The following NDST4 variants were observed in gnomAD, a reference collection of about 807,000 sequenced individuals.
NDST4 encodes N-heparan sulfate sulfotransferase 4.
A neutral mutation model predicts 100.8 loss-of-function variants in NDST4; 63 were observed. The ratio of observed to expected loss-of-function variants is 0.62; its 90% confidence interval spans 0.51 to 0.77. NDST4 has a LOEUF of 0.77. Ranked by LOEUF, NDST4 falls within the 30% of genes least tolerant of loss-of-function variation. The probability of loss-of-function intolerance (pLI) is 0.00; values close to 1 mark genes in which losing one functional copy is unlikely to be tolerated. For missense variants in NDST4, 943 were observed against 1,018.4 expected, an observed-to-expected ratio of 0.93 and a Z score of 1.01; for synonymous variants, 377 against 361.8, an observed-to-expected ratio of 1.04 and a Z score of -0.48.
At chr4:114,897,760 A>G (rs773369464) in intron 6 of NDST4, among the ~76,000 whole-genome samples, 4 of 152,184 alleles carry the variant, frequency 2.6e-5, no homozygotes, top group Non-Finnish European at 4.4e-5. Context: ...TGTTTGATAT[A>G]TGGGTAATTG....
At chr4:115,101,173 A>G (rs1729721800) in intron 1 of NDST4, among the ~76,000 whole-genome samples, 1 of 152,114 alleles carries the variant, frequency 6.6e-6, no homozygotes, top group Non-Finnish European at 1.5e-5. Flanking sequence ...ATGGAAGTTT[A>G]TTCTGTGACA....
At position 114,863,239 on chromosome 4, in the gene NDST4, C is replaced by T. The variant is rs6830220; in HGVS notation, c.1719+7529G>A. ...GATTATTTCTAAGCTTCAAAGCAAC[C>T]TGGCAAGACAGATATTATTATCCCT... On this transcript the variant is annotated intron_variant, in intron 7 of 13. Coordinates refer to ENST00000264363, the MANE Select transcript of NDST4 (RefSeq NM_022569.3). Among the ~76,000 whole-genome samples the T allele has an allele frequency of 2.1e-3, 323 of 152,270 alleles. 1 individual carries two copies. The highest frequency in any genetic ancestry group is 7.3e-3 in the African/African-American group (303 of 41,542).
intron 10 of NDST4, among the ~76,000 whole-genome samples, chr4:114,845,269 C>T (rs1355340293): frequency 6.6e-6 from 1 of 152,028 alleles, no homozygotes; most frequent in Non-Finnish European, 1.5e-5. Flanking sequence ...GAGGGAGAGG[C>T]TGCAGTGAGC....
At chr4:115,066,343 CA>C (rs1728947368) in intron 2 of NDST4, among the ~76,000 whole-genome samples, 1 of 152,098 alleles carries the variant, frequency 6.6e-6, no homozygotes, top group Non-Finnish European at 1.5e-5. Context: ...CTCTTTAAAA[CA>C]GATGACTTTT....
intron 6 of NDST4, among the ~76,000 whole-genome samples, chr4:114,904,061 A>T (rs990326081): frequency 1.3e-5 from 2 of 152,008 alleles, no homozygotes; most frequent in Non-Finnish European, 2.9e-5. Context: ...ATTGACTTAC[A>T]TGTAAAAAAG....
chr4:115,093,868 A>G (rs558544808), intron 1 of NDST4, among the ~76,000 whole-genome samples: 40 of 152,256 alleles, frequency 2.6e-4, no homozygotes, highest in Non-Finnish European at 4.6e-4. Context: ...CATCTTAAAA[A>G]GCTAGAAAAA....
chr4:114,970,327 T>A (rs1376556132), intron 4 of NDST4, 103 bp downstream of exon 4: 1 of 1,022,476 alleles, frequency 9.8e-7, no homozygotes, highest in Non-Finnish European at 1.4e-6. Context: ...GATATTATAT[T>A]TTATTCTATT....
chr4:114,928,013 T>C (rs529590999), intron 6 of NDST4, among the ~76,000 whole-genome samples: 8 of 152,286 alleles, frequency 5.3e-5, no homozygotes, highest in Non-Finnish European at 7.4e-5. Context: ...GGGACTTTGA[T>C]ACCTAGCAAA....
intron 12 of NDST4, 76 bp downstream of exon 12, chr4:114,833,530 G>A: frequency 1.1e-6 from 1 of 906,204 alleles, no homozygotes; most frequent in Non-Finnish European, 1.8e-6. Context: ...TATTAATGAT[G>A]TTATATACAC....
chr4:115,020,476 C>T (rs1347281480), intron 2 of NDST4, among the ~76,000 whole-genome samples: 1 of 152,054 alleles, frequency 6.6e-6, no homozygotes. Flanking sequence ...AGGAAAAACC[C>T]TTTTAGATAT....
At chr4:114,923,819 C>T (rs1327094755) in intron 6 of NDST4, among the ~76,000 whole-genome samples, 1 of 151,616 alleles carries the variant, frequency 6.6e-6, no homozygotes, top group Non-Finnish European at 1.5e-5. Context: ...TGCTAAAGAG[C>T]TATTTTACTA....
intron 6 of NDST4, among the ~76,000 whole-genome samples, chr4:114,929,323 G>T (rs1725463221): frequency 6.6e-6 from 1 of 152,108 alleles, no homozygotes; most frequent in Non-Finnish European, 1.5e-5. Flanking sequence ...TATCTACTCA[G>T]ATTGCTTGAG....
At chr4:115,036,946 AT>A (rs1728246167) in intron 2 of NDST4, among the ~76,000 whole-genome samples, 1 of 152,078 alleles carries the variant, frequency 6.6e-6, no homozygotes, top group African/African-American at 2.4e-5. Context: ...TAGTTAAAAT[AT>A]TTGGATAAAA....
intron 8 of NDST4, among the ~76,000 whole-genome samples, chr4:114,850,165 G>A (rs1020562590): frequency 6.6e-6 from 1 of 152,066 alleles, no homozygotes. Context: ...AGGTATTGAA[G>A]GTAGATGCAT....
intron 8 of NDST4, among the ~76,000 whole-genome samples, chr4:114,848,761 C>T (rs983109949): frequency 6.6e-6 from 1 of 152,148 alleles, no homozygotes; most frequent in African/African-American, 2.4e-5. Context: ...TGAAATCAAA[C>T]TATTTAACAG....
chr4:114,891,214 G>A (rs1358498316), intron 6 of NDST4, among the ~76,000 whole-genome samples: 2 of 151,970 alleles, frequency 1.3e-5, no homozygotes, highest in Non-Finnish European at 2.9e-5. Flanking sequence ...CACCTGAAAA[G>A]TCCTCTGAGT....
chr4:115,086,242 A>G (rs1336521204), intron 1 of NDST4, among the ~76,000 whole-genome samples: 2 of 152,146 alleles, frequency 1.3e-5, no homozygotes, highest in African/African-American at 4.8e-5. Flanking sequence ...TTCAGCTTCC[A>G]GGCCAAAAAA....
chr4:114,854,809 C>T (rs924767309), intron 7 of NDST4, among the ~76,000 whole-genome samples: 1 of 152,118 alleles, frequency 6.6e-6, no homozygotes, highest in Non-Finnish European at 1.5e-5. Context: ...TGTTAGATTG[C>T]TGAATCACAT....
chr4:115,007,531 G>GT (rs1451107313), intron 2 of NDST4, among the ~76,000 whole-genome samples: 1 of 152,088 alleles, frequency 6.6e-6, no homozygotes, highest in Non-Finnish European at 1.5e-5. Context: ...TTATTCGGTT[G>GT]TTTTTTGTTG....
Sources: allele counts gnomAD v4.1 joint callset (sites outside exome capture counted in the v4.1 genomes callset), GRCh38; gene constraint gnomAD v4.1.1; transcripts MANE v1.5; gene names NCBI Gene and HGNC (gene_info 2026-07-23, HGNC 2026-07-21).